RAPGEF1: variants seen among roughly 807,000 people sequenced by gnomAD.
RAPGEF1 encodes Rap guanine nucleotide exchange factor 1.
A neutral mutation model predicts 143.3 loss-of-function variants in RAPGEF1; 33 were observed. That is an observed-to-expected ratio of 0.23 (90% CI 0.17 to 0.31). The LOEUF (loss-of-function observed/expected upper bound fraction) is 0.31. RAPGEF1 is among the 10% of genes least tolerant of loss of function. The probability of loss-of-function intolerance (pLI) is 1.00; values close to 1 mark genes in which losing one functional copy is unlikely to be tolerated. For synonymous variants in RAPGEF1, 629 were observed against 676.5 expected (o/e 0.93, Z 1.09); for missense variants, 1,199 against 1,645.4 (o/e 0.73, Z 4.69).
intron 1 of RAPGEF1, among the ~76,000 whole-genome samples, chr9:131,660,467 T>C (rs1973737807): frequency 6.6e-6 from 1 of 150,378 alleles, no homozygotes; most frequent in South Asian, 2.1e-4. Context: ...CAACAAGCCA[T>C]TGTGGGCATT....
In RAPGEF1 at chr9:131,578,399, C is replaced by T. The variant is rs1190693571; in HGVS notation, c.*1098G>A. 1 of 152,454 alleles carries T rather than the reference C, an allele frequency of 6.6e-6. No homozygotes were observed. The highest frequency in any genetic ancestry group is 1.9e-4 in the East Asian group (1 of 5,206). The allele number at this position is 152,454 out of a possible 1,614,324, so 9.4% of individuals were successfully genotyped here. A position where few individuals can be genotyped will look rare whatever the true frequency, so the allele number is the denominator to read the frequency against. Reference sequence around the variant, plus strand: ...TCCTCTGTGGCCAGGCTTCTGCCTCCCTGCACCCTGAGGGACCATTCGGGT... The same window carrying T: ...TCCTCTGTGGCCAGGCTTCTGCCTCTCTGCACCCTGAGGGACCATTCGGGT... On this transcript the variant is annotated 3_prime_UTR_variant, in exon 27 of 27. Coordinates refer to ENST00000683357, the MANE Select transcript of RAPGEF1 (RefSeq NM_001377935.1).
intron 1 of RAPGEF1, among the ~76,000 whole-genome samples, chr9:131,656,675 G>A (rs1564635666): frequency 2.0e-5 from 3 of 152,190 alleles, no homozygotes; most frequent in South Asian, 2.1e-4. Flanking sequence ...TCACAACTGC[G>A]CCGTCATGAC....
At chr9:131,634,004 G>A (rs1051072944) in intron 5 of RAPGEF1, among the ~76,000 whole-genome samples, 1 of 152,244 alleles carries the variant, frequency 6.6e-6, no homozygotes, top group Non-Finnish European at 1.5e-5. Flanking sequence ...GCTCATGCCT[G>A]TAATCCTAGC....
At chr9:131,633,873 T>C (rs1436596820) in intron 5 of RAPGEF1, among the ~76,000 whole-genome samples, 5 of 152,208 alleles carry the variant, frequency 3.3e-5, no homozygotes, top group Admixed American at 3.3e-4. Context: ...AGTTGACCAT[T>C]TATAATTTGG....
intron 10 of RAPGEF1, among the ~76,000 whole-genome samples, chr9:131,624,365 T>C (rs1962286702): frequency 6.6e-6 from 1 of 152,212 alleles, no homozygotes; most frequent in African/African-American, 2.4e-5. Context: ...GCTCCAGTGC[T>C]GGAGACAGTG....
At chr9:131,663,496 T>C (rs1040209316) in intron 1 of RAPGEF1, among the ~76,000 whole-genome samples, 17 of 149,402 alleles carry the variant, frequency 1.1e-4, no homozygotes, top group Non-Finnish European at 1.8e-4. Context: ...TTAAGGAGCA[T>C]ACATTGCATC....
rs1963831965 is a variant in RAPGEF1 at position 131,628,205 on chromosome 9, G to A, written c.1018-109C>T. 4 of 1,086,318 alleles carry A rather than the reference G, an allele frequency of 3.7e-6. No homozygotes were observed. The highest frequency in any genetic ancestry group is 2.6e-5 in the East Asian group (1 of 37,914). 67.3% of individuals were successfully genotyped at this position (1,086,318 alleles called of 1,614,324 possible). A position where few individuals can be genotyped will look rare whatever the true frequency, so the allele number is the denominator to read the frequency against. ...CTTAGAGAAGGAAATACTGCCAGGC[G>A]AACTCAGAAACCACCTCTGACGTCA... is the stretch of plus-strand genomic sequence containing the variant. On this transcript the variant is annotated intron_variant, in intron 8 of 26. Transcript: ENST00000683357. The surrounding 1 kb of genome is among the most constrained non-coding windows in gnomAD (Gnocchi z 5.7).
At chr9:131,735,897 A>G (rs1472583185) in intron 1 of RAPGEF1, among the ~76,000 whole-genome samples, 2 of 152,172 alleles carry the variant, frequency 1.3e-5, no homozygotes, top group East Asian at 3.8e-4. Flanking sequence ...TTGACCATCA[A>G]TTCTTTTGTT....
At chr9:131,737,702 C>T (rs1029855809) in intron 1 of RAPGEF1, among the ~76,000 whole-genome samples, 5 of 152,074 alleles carry the variant, frequency 3.3e-5, no homozygotes, top group African/African-American at 4.8e-5. Context: ...CGGTGGCTCA[C>T]GCATGTAATC....
chr9:131,732,798 G>C (rs1056358643), intron 1 of RAPGEF1, among the ~76,000 whole-genome samples: 1 of 152,186 alleles, frequency 6.6e-6, no homozygotes, highest in Non-Finnish European at 1.5e-5. Context: ...CATTCTTTTA[G>C]TAAGTATTTA....
intron 1 of RAPGEF1, among the ~76,000 whole-genome samples, chr9:131,697,662 A>G (rs1408270559): frequency 6.6e-6 from 1 of 152,244 alleles, no homozygotes; most frequent in Middle Eastern, 3.2e-3. Flanking sequence ...GAGATGGCTC[A>G]AAGTGTCCAC....
At chr9:131,686,664 T>G (rs1428248370) in intron 1 of RAPGEF1, among the ~76,000 whole-genome samples, 1 of 152,206 alleles carries the variant, frequency 6.6e-6, no homozygotes. Flanking sequence ...AGCATTCACC[T>G]CTCTGTGTTG....
rs1406763541 is a variant in RAPGEF1, at chr9:131,588,013, G to A, written c.3067C>T (p.His1023Tyr). 1 of 1,612,504 alleles carries A rather than the reference G, an allele frequency of 6.2e-7. No individual in the cohort carries two copies. Among genetic ancestry groups the A allele is most frequent in the Non-Finnish European group, 8.5e-7 (1 of 1,179,606 alleles). ...RGVAARPGTL[H>Y]DFHSHEIAEQ... ...GCTATCTCATGGCTGTGAAAGTCGTGCAAGGTCCCCGGCCTGGAAGACAGA... is the reference window on the plus strand; with the variant it reads ...GCTATCTCATGGCTGTGAAAGTCGTACAAGGTCCCCGGCCTGGAAGACAGA... Residue 1023 changes from histidine (H) to tyrosine (Y), a missense_variant, in exon 21 of 27, where the codon CAC becomes TAC. Transcript: ENST00000683357.
chr9:131,581,809 G>A (rs1256769165), intron 25 of RAPGEF1, among the ~76,000 whole-genome samples: 1 of 152,198 alleles, frequency 6.6e-6, no homozygotes, highest in Non-Finnish European at 1.5e-5. Context: ...CTCCACTCAG[G>A]GAGAACTCAG....
chr9:131,713,374 A>T (rs1835645265), intron 1 of RAPGEF1, among the ~76,000 whole-genome samples: 1 of 152,160 alleles, frequency 6.6e-6, no homozygotes, highest in Admixed American at 6.5e-5. Flanking sequence ...AGGGGCAGGG[A>T]TCAACGCTAG....
At chr9:131,685,887 G>A (rs1833307759) in intron 1 of RAPGEF1, among the ~76,000 whole-genome samples, 1 of 152,142 alleles carries the variant, frequency 6.6e-6, no homozygotes, top group African/African-American at 2.4e-5. Flanking sequence ...GAGAGGCAGG[G>A]CAGGGCAAGG....
chr9:131,687,174 G>A (rs758744105), intron 1 of RAPGEF1, among the ~76,000 whole-genome samples: 2 of 152,056 alleles, frequency 1.3e-5, no homozygotes, highest in African/African-American at 2.4e-5. Flanking sequence ...CAAATAACTT[G>A]CATACAGTTT....
chr9:131,662,297 G>A (rs1037184832), intron 1 of RAPGEF1, among the ~76,000 whole-genome samples: 1 of 152,090 alleles, frequency 6.6e-6, no homozygotes, highest in African/African-American at 2.4e-5. Context: ...CTACTCCCAC[G>A]TTTGTTTCTC....
intron 25 of RAPGEF1, among the ~76,000 whole-genome samples, chr9:131,582,104 C>G (rs1463693687): frequency 1.3e-5 from 2 of 152,174 alleles, no homozygotes; most frequent in Non-Finnish European, 2.9e-5. Context: ...ACACATATTT[C>G]CTCTCGCCCA....
Sources: allele counts gnomAD v4.1 joint callset (sites outside exome capture counted in the v4.1 genomes callset), GRCh38; gene constraint gnomAD v4.1.1; non-coding constraint Gnocchi (gnomAD v3.1); transcripts MANE v1.5; gene names NCBI Gene and HGNC (gene_info 2026-07-23, HGNC 2026-07-21).